Variants in SCHIP1 observed in about 807,000 individuals in gnomAD.
SCHIP1 encodes schwannomin interacting protein 1.
Under a neutral mutation model 29.7 loss-of-function variants are expected in SCHIP1, and 8 were observed. The observed-to-expected ratio is 0.27, with a 90% CI of 0.16 to 0.49. SCHIP1 has a LOEUF of 0.49. Among genes scored for constraint, SCHIP1 ranks in the 20% least tolerant of loss-of-function variants. The pLI is 0.99. For synonymous variants in SCHIP1, 76 were observed against 94.9 expected (o/e 0.80, Z 1.16); for missense variants, 193 against 294.6 (o/e 0.66, Z 2.52).
chr3:159,469,491 A>G, the SCHIP1 span, among the ~76,000 whole-genome samples: 3 of 152,224 alleles, frequency 2.0e-5, no homozygotes, highest in Non-Finnish European at 2.9e-5. Flanking sequence ...CTGTGAGAAT[A>G]TAATGAGATA....
At chr3:159,373,800 C>T in the SCHIP1 span, among the ~76,000 whole-genome samples, 1 of 152,066 alleles carries the variant, frequency 6.6e-6, no homozygotes, top group Non-Finnish European at 1.5e-5. Context: ...CACACACACA[C>T]CACATTTTAA....
At chr3:159,680,441 G>A in the SCHIP1 span, among the ~76,000 whole-genome samples, 24 of 144,244 alleles carry the variant, frequency 1.7e-4, no homozygotes, top group South Asian at 2.4e-3. Context: ...CCCGGGAGGC[G>A]GAGGTTGCAG....
At chr3:159,603,320 G>C in the SCHIP1 span, among the ~76,000 whole-genome samples, 1 of 152,156 alleles carries the variant, frequency 6.6e-6, no homozygotes, top group Non-Finnish European at 1.5e-5. Flanking sequence ...TCCTTTTGAA[G>C]GATTTATGGA....
At chr3:159,866,165 A>G (rs1376973070) in exon 2 of SCHIP1, 1 of 1,612,822 alleles carries the variant, frequency 6.2e-7, no homozygotes, top group Admixed American at 1.7e-5. Flanking sequence ...AATTTTAGGC[A>G]CAGAAAAATG....
the SCHIP1 span, among the ~76,000 whole-genome samples, chr3:159,382,798 T>A: frequency 4.3e-4 from 65 of 152,358 alleles, no homozygotes; most frequent in East Asian, 0.012. Context: ...TGATTGCCAT[T>A]CTAACTGGTG....
intron 1 of SCHIP1, chr3:159,853,207 G>A (rs1427802769): frequency 6.6e-6 from 3 of 451,406 alleles, no homozygotes; most frequent in Non-Finnish European, 1.2e-5. Flanking sequence ...GAGGCTGGGC[G>A]GGGCAGTGTC....
the SCHIP1 span, among the ~76,000 whole-genome samples, chr3:159,287,350 A>T: frequency 6.6e-6 from 1 of 151,708 alleles, no homozygotes; most frequent in South Asian, 2.1e-4. Flanking sequence ...ATCTTTATAT[A>T]CTTGAATATC....
chr3:159,436,663 T>C, the SCHIP1 span, among the ~76,000 whole-genome samples: 1 of 152,206 alleles, frequency 6.6e-6, no homozygotes, highest in African/African-American at 2.4e-5. Context: ...CAGAAAATAA[T>C]GAAAGGTCAG....
chr3:159,285,959 A>G, the SCHIP1 span, among the ~76,000 whole-genome samples: 1 of 152,082 alleles, frequency 6.6e-6, no homozygotes, highest in Non-Finnish European at 1.5e-5. Flanking sequence ...ATTTATATTT[A>G]AAACTTATCT....
At chr3:159,571,701 G>C in the SCHIP1 span, among the ~76,000 whole-genome samples, 1 of 152,174 alleles carries the variant, frequency 6.6e-6, no homozygotes, top group South Asian at 2.1e-4. Flanking sequence ...AGAAGGAATG[G>C]TACTAGCTCC....
chr3:159,420,322 A>G, the SCHIP1 span, among the ~76,000 whole-genome samples: 1 of 152,204 alleles, frequency 6.6e-6, no homozygotes, highest in East Asian at 1.9e-4. Context: ...GAAAAGCGCG[A>G]TCTTTCTGGA....
chr3:159,877,110 A>C (rs553057402), intron 2 of SCHIP1, among the ~76,000 whole-genome samples: 1 of 152,310 alleles, frequency 6.6e-6, no homozygotes, highest in African/African-American at 2.4e-5. Context: ...GCACTTTAGG[A>C]GGCCAAGGCA....
chr3:159,448,155 T>G, the SCHIP1 span, among the ~76,000 whole-genome samples: 36,947 of 152,040 alleles, frequency 0.24, 5,167 homozygotes, highest in African/African-American at 0.39. Context: ...TCAAATAAGT[T>G]CATGAGTGCG....
the SCHIP1 span, among the ~76,000 whole-genome samples, chr3:159,754,615 C>T: frequency 6.6e-6 from 1 of 152,154 alleles, no homozygotes; most frequent in Non-Finnish European, 1.5e-5. Context: ...TCACTGATTC[C>T]CCCTGACTTT....
intron 1 of SCHIP1, among the ~76,000 whole-genome samples, chr3:159,863,385 A>G (rs1560087748): frequency 6.6e-6 from 1 of 152,074 alleles, no homozygotes; most frequent in Non-Finnish European, 1.5e-5. Flanking sequence ...TTAATTTGAC[A>G]CAACTCAAAT....
chr3:159,377,364 T>C, the SCHIP1 span, among the ~76,000 whole-genome samples: 1 of 152,234 alleles, frequency 6.6e-6, no homozygotes, highest in Non-Finnish European at 1.5e-5. Context: ...TTCATGGATG[T>C]ACTTTGGGTT....
At chr3:159,527,166 C>T in the SCHIP1 span, among the ~76,000 whole-genome samples, 1 of 152,208 alleles carries the variant, frequency 6.6e-6, no homozygotes, top group Non-Finnish European at 1.5e-5. Flanking sequence ...CAGTTGATCT[C>T]TGTCAGGGCC....
At chr3:159,379,310 C>A in the SCHIP1 span, among the ~76,000 whole-genome samples, 1 of 152,048 alleles carries the variant, frequency 6.6e-6, no homozygotes. Flanking sequence ...CAACCTCCAC[C>A]TTCCAGGTTC....
At chr3:159,365,484 G>GTAT in the SCHIP1 span, among the ~76,000 whole-genome samples, 1 of 151,976 alleles carries the variant, frequency 6.6e-6, no homozygotes, top group African/African-American at 2.4e-5. Flanking sequence ...TAAAACATAT[G>GTAT]TATTATATTT....
Sources: allele counts gnomAD v4.1 joint callset (sites outside exome capture counted in the v4.1 genomes callset), GRCh38; gene constraint gnomAD v4.1.1; transcripts MANE v1.5; gene names NCBI Gene and HGNC (gene_info 2026-07-23, HGNC 2026-07-21).